Variants in FRYL observed in about 807,000 individuals in gnomAD.
FRYL encodes the protein FRY like transcription coactivator, also known as protein furry homolog-like.
FRYL carries 150 observed loss-of-function variants against 351.2 expected under a neutral mutation model. The observed-to-expected ratio is 0.43, with a 90% CI of 0.37 to 0.49. The LOEUF (loss-of-function observed/expected upper bound fraction) is 0.49. Among genes scored for constraint, FRYL ranks in the 20% least tolerant of loss-of-function variants. The probability of loss-of-function intolerance (pLI) is 0.00; values close to 1 mark genes in which losing one functional copy is unlikely to be tolerated. For missense variants in FRYL, 3,036 were observed against 3,619.3 expected, an observed-to-expected ratio of 0.84 and a Z score of 4.13; for synonymous variants, 1,153 against 1,257.1, an observed-to-expected ratio of 0.92 and a Z score of 1.75.
At chr4:48,777,228 C>T (rs1324063603) in intron 1 of FRYL, among the ~76,000 whole-genome samples, 1 of 152,180 alleles carries the variant, frequency 6.6e-6, no homozygotes, top group Non-Finnish European at 1.5e-5. Context: ...TGTTCACCAT[C>T]ACAAAAGATG....
intron 1 of FRYL, among the ~76,000 whole-genome samples, chr4:48,712,953 C>T (rs893256055): frequency 6.6e-6 from 1 of 152,066 alleles, no homozygotes; most frequent in Admixed American, 6.6e-5. Flanking sequence ...GAATTTTCAA[C>T]CCAGAATTTC....
At chr4:48,665,364 C>A (rs1761522676) in intron 3 of FRYL, among the ~76,000 whole-genome samples, 1 of 152,170 alleles carries the variant, frequency 6.6e-6, no homozygotes, top group East Asian at 1.9e-4. Context: ...GATAAAACAT[C>A]TGCTCTTTCC....
chr4:48,549,214 A>C lies in FRYL; in HGVS notation c.4784+259T>G, dbSNP rs1433818430. ...GAAAGTCATATTTTTCAGATGTAGT[A>C]ACTGGGTCCCAGAAAGGTCAAGTAA... On this transcript the variant is annotated intron_variant, in intron 39 of 63. Coordinates refer to ENST00000358350, the MANE Select transcript of FRYL (RefSeq NM_015030.2). This position sits in a 1 kb window ranked among gnomAD's most constrained non-coding sequence, Gnocchi z 4.2. 6.6e-6 allele frequency among the ~76,000 whole-genome samples: 1 copy of C among 152,224 alleles called. No individual in the cohort carries two copies. Among genetic ancestry groups the C allele is most frequent in the Non-Finnish European group, 1.5e-5 (1 of 68,026 alleles).
At chr4:48,659,983 AAGCAGC>A (rs760892980) in intron 3 of FRYL, among the ~76,000 whole-genome samples, 13 of 148,840 alleles carry the variant, frequency 8.7e-5, no homozygotes, top group African/African-American at 2.7e-4. Context: ...GAGGAGGAGG[AAGCAGC>A]AGCAGCAGCA....
intron 1 of FRYL, among the ~76,000 whole-genome samples, chr4:48,740,020 T>C (rs991372239): frequency 5.9e-5 from 9 of 152,150 alleles, no homozygotes; most frequent in Non-Finnish European, 1.2e-4. Flanking sequence ...CCCTCAACCT[T>C]GGACTTCTCA....
chr4:48,540,541 T>TC lies in FRYL; in HGVS notation c.6106dup (p.Asp2036GlyfsTer2). ...AATCTTCTCTCGACTCTCTGATTTA[T>TC]CCAAAGGCAAATGGATAAGCAGTTT... On this transcript the variant is annotated frameshift_variant, in exon 46 of 64. Coordinates refer to ENST00000358350, the MANE Select transcript of FRYL (RefSeq NM_015030.2). LOFTEE classifies it high-confidence loss of function. 6.2e-7 allele frequency: 1 copy of TC among 1,614,054 alleles called. No individual in the cohort carries two copies.
In FRYL at chr4:48,502,854, G is replaced by A. The variant is rs1277607427; in HGVS notation, c.8464-9C>T. 8.7e-6 allele frequency: 14 copies of A among 1,608,274 alleles called. No individual in the cohort carries two copies. The highest frequency in any genetic ancestry group is 1.3e-5 in the African/African-American group (1 of 74,610). The stretch of plus-strand genomic sequence containing the variant: ...GCTAGTATTTCCATTTGCTAAGCAA[G>A]AAGGTGATCAGGTCACAAAAAATAC... On this transcript the variant is annotated splice_polypyrimidine_tract_variant and intron_variant, in intron 60 of 63. Transcript: ENST00000358350.
intron 11 of FRYL, among the ~76,000 whole-genome samples, 188 bp from the exon 12 acceptor site, chr4:48,603,576 G>C (rs1183500962): frequency 6.6e-6 from 1 of 152,154 alleles, no homozygotes; most frequent in Admixed American, 6.5e-5. Context: ...AGCCCTGAGT[G>C]AACAAAGTGG....
At chr4:48,623,695 A>G (rs1751157380) in intron 4 of FRYL, among the ~76,000 whole-genome samples, 1 of 152,154 alleles carries the variant, frequency 6.6e-6, no homozygotes, top group South Asian at 2.1e-4. Context: ...ATCTGAAAAA[A>G]CAAGGCGGTT....
intron 1 of FRYL, among the ~76,000 whole-genome samples, chr4:48,775,441 C>G (rs1465521261): frequency 6.6e-6 from 1 of 151,640 alleles, no homozygotes; most frequent in Admixed American, 6.6e-5. Context: ...ATTTTTTTTT[C>G]AGCTGATTAG....
At chr4:48,663,372 G>A (rs917748777) in intron 3 of FRYL, among the ~76,000 whole-genome samples, 4 of 150,148 alleles carry the variant, frequency 2.7e-5, no homozygotes, top group African/African-American at 9.8e-5. Context: ...CATAAAATAA[G>A]CCAAGAATAG....
At chr4:48,627,937 G>GT (rs1752162744) in intron 4 of FRYL, among the ~76,000 whole-genome samples, 1 of 152,062 alleles carries the variant, frequency 6.6e-6, no homozygotes, top group Non-Finnish European at 1.5e-5. Flanking sequence ...CGTCCAGCTA[G>GT]TTTTTGTATT....
At chr4:48,651,329 GT>G in intron 3 of FRYL, among the ~76,000 whole-genome samples, 1 of 141,134 alleles carries the variant, frequency 7.1e-6, no homozygotes, top group Non-Finnish European at 1.6e-5. Context: ...GTGTGTGTGT[GT>G]GTGTGTGTGT....
At chr4:48,722,984 C>A (rs1769656446) in intron 1 of FRYL, among the ~76,000 whole-genome samples, 1 of 152,108 alleles carries the variant, frequency 6.6e-6, no homozygotes, top group Non-Finnish European at 1.5e-5. Context: ...TTCACGGTGA[C>A]AAAAATCTCA....
In FRYL at chr4:48,710,504, T is replaced by C; in HGVS notation, c.-204+15A>G. 2 of 398,206 alleles carry C rather than the reference T, an allele frequency of 5.0e-6. No individual in the cohort carries two copies. Among genetic ancestry groups the C allele is most frequent in the South Asian group, 1.3e-4 (1 of 7,852 alleles). 24.7% of individuals were successfully genotyped at this position (398,206 alleles called of 1,614,324 possible). A position where few individuals can be genotyped will look rare whatever the true frequency, so the allele number is the denominator to read the frequency against. On this transcript the variant is annotated intron_variant, in intron 2 of 63. Transcript: ENST00000358350. ...GAAAGAAGGCCTAGAAAAGAGGAAA[T>C]ATACATGTCCTTACCACTTAGAAAT...
At chr4:48,510,779 C>T in intron 58 of FRYL, 56 bp downstream of exon 58, 3 of 1,332,938 alleles carry the variant, frequency 2.3e-6, no homozygotes, top group South Asian at 2.5e-5. Flanking sequence ...AAAAGACTTA[C>T]TGAATGATGC....
intron 3 of FRYL, chr4:48,653,687 T>A: frequency 7.8e-7 from 1 of 1,277,710 alleles, no homozygotes; most frequent in South Asian, 1.2e-5. Flanking sequence ...TCAGCATTTT[T>A]TTTTTCATGT....
At chr4:48,653,422 C>T (rs966345097) in intron 3 of FRYL, among the ~76,000 whole-genome samples, 30 of 152,122 alleles carry the variant, frequency 2.0e-4, no homozygotes, top group African/African-American at 5.8e-4. Context: ...TCCCACACCC[C>T]GCCCCCCATT....
At chr4:48,513,711 G>C (rs976290256) in intron 56 of FRYL, among the ~76,000 whole-genome samples, 1 of 152,226 alleles carries the variant, frequency 6.6e-6, no homozygotes, top group Middle Eastern at 3.4e-3. Context: ...AAATAAAGCA[G>C]ACATCTGAAG....
Sources: allele counts gnomAD v4.1 joint callset (sites outside exome capture counted in the v4.1 genomes callset), GRCh38; gene constraint gnomAD v4.1.1; non-coding constraint Gnocchi (gnomAD v3.1); transcripts MANE v1.5; gene names NCBI Gene and HGNC (gene_info 2026-07-23, HGNC 2026-07-21).